Variants in KCNK13 observed in about 807,000 individuals in gnomAD.
KCNK13 encodes potassium channel subfamily K member 13.
KCNK13 carries 12 observed loss-of-function variants against 23.4 expected under a neutral mutation model. The observed-to-expected ratio is 0.51, with a 90% CI of 0.33 to 0.83. The LOEUF (loss-of-function observed/expected upper bound fraction) is 0.83, where lower values mean the gene tolerates loss of function less well. Ranked by LOEUF, KCNK13 falls within the 40% of genes least tolerant of loss-of-function variation. The pLI is 0.02. For missense variants in KCNK13, 463 were observed against 556.3 expected, an observed-to-expected ratio of 0.83 and a Z score of 1.69; for synonymous variants, 231 against 229.5, an observed-to-expected ratio of 1.01 and a Z score of -0.06.
At chr14:90,114,849 T>C (rs1276325737) in intron 1 of KCNK13, among the ~76,000 whole-genome samples, 1 of 152,184 alleles carries the variant, frequency 6.6e-6, no homozygotes, top group Non-Finnish European at 1.5e-5. Flanking sequence ...TAGTTGAGCA[T>C]TGCCAGTGCT....
chr14:90,181,490 G>C (rs559869133), intron 1 of KCNK13, among the ~76,000 whole-genome samples: 1 of 152,082 alleles, frequency 6.6e-6, no homozygotes, highest in Non-Finnish European at 1.5e-5. Flanking sequence ...CTCACCTCTC[G>C]CAAAGACACC....
chr14:90,073,832 A>C (rs373709858), intron 1 of KCNK13, among the ~76,000 whole-genome samples: 43 of 151,776 alleles, frequency 2.8e-4, no homozygotes, highest in Non-Finnish European at 4.9e-4. Context: ...CACCACGCCC[A>C]GCTAATTTTT....
At chr14:90,178,028 C>T (rs1295699042) in intron 1 of KCNK13, among the ~76,000 whole-genome samples, 1 of 152,120 alleles carries the variant, frequency 6.6e-6, no homozygotes, top group African/African-American at 2.4e-5. Flanking sequence ...CAAAGTTGCT[C>T]TGCTTTTTTC....
intron 1 of KCNK13, among the ~76,000 whole-genome samples, chr14:90,104,727 G>T (rs528117301): frequency 6.7e-6 from 1 of 148,776 alleles, no homozygotes; most frequent in African/African-American, 2.5e-5. Flanking sequence ...AGAGTCTCGG[G>T]GGTCCCTTTC....
At chr14:90,149,967 G>A (rs928216786) in intron 1 of KCNK13, among the ~76,000 whole-genome samples, 1 of 151,988 alleles carries the variant, frequency 6.6e-6, no homozygotes, top group Non-Finnish European at 1.5e-5. Context: ...CAACTGTTTA[G>A]CATCTAGTAG....
At chr14:90,074,968 A>G (rs535986445) in intron 1 of KCNK13, among the ~76,000 whole-genome samples, 4 of 152,206 alleles carry the variant, frequency 2.6e-5, no homozygotes, top group African/African-American at 9.6e-5. Flanking sequence ...TGACTTTTAG[A>G]CCATCTCTTT....
chr14:90,075,847 T>C (rs1889128765), intron 1 of KCNK13, among the ~76,000 whole-genome samples: 1 of 152,208 alleles, frequency 6.6e-6, no homozygotes, highest in African/African-American at 2.4e-5. Context: ...CTCTGGACCC[T>C]TAGGCTTTGG....
At chr14:90,181,326 T>C (rs1418960402) in intron 1 of KCNK13, among the ~76,000 whole-genome samples, 2 of 152,204 alleles carry the variant, frequency 1.3e-5, no homozygotes, top group East Asian at 3.8e-4. Flanking sequence ...TTCTGGAGAC[T>C]GGGAAGTCCA....
chr14:90,147,465 T>C (rs944765009), intron 1 of KCNK13, among the ~76,000 whole-genome samples: 2 of 152,040 alleles, frequency 1.3e-5, no homozygotes, highest in Non-Finnish European at 2.9e-5. Context: ...GTTTGTGATG[T>C]TTTTATCAGT....
intron 1 of KCNK13, among the ~76,000 whole-genome samples, chr14:90,160,811 C>A (rs1424133080): frequency 6.7e-6 from 1 of 149,354 alleles, no homozygotes; most frequent in Non-Finnish European, 1.5e-5. Context: ...CCATTGGACA[C>A]CAGCCTGGGT....
chr14:90,111,595 A>G (rs1889615915), intron 1 of KCNK13, among the ~76,000 whole-genome samples: 1 of 152,122 alleles, frequency 6.6e-6, no homozygotes, highest in African/African-American at 2.4e-5. Flanking sequence ...CCTGAGACCA[A>G]GCAGAAAGAT....
chr14:90,166,685 G>A (rs1362033579), intron 1 of KCNK13, among the ~76,000 whole-genome samples: 3 of 148,332 alleles, frequency 2.0e-5, no homozygotes, highest in South Asian at 4.3e-4. Flanking sequence ...TAGTCTGGGC[G>A]ACAGAGCAAG....
intron 1 of KCNK13, among the ~76,000 whole-genome samples, chr14:90,114,479 G>GGCA (rs1247647170): frequency 6.6e-6 from 1 of 152,118 alleles, no homozygotes; most frequent in African/African-American, 2.4e-5. Context: ...GATTCTAAGG[G>GGCA]GCAGCCAAGT....
intron 1 of KCNK13, among the ~76,000 whole-genome samples, chr14:90,096,945 GC>G (rs1229893856): frequency 2.0e-5 from 3 of 152,124 alleles, no homozygotes; most frequent in African/African-American, 7.2e-5. Context: ...AATCTGATTG[GC>G]CAAATATGGG....
Position 90,185,068 on chromosome 14 carries a change from G to A in KCNK13, c.*65G>A, listed in dbSNP as rs1337531280. 8 of 1,391,494 alleles carry A rather than the reference G, an allele frequency of 5.7e-6. No homozygotes were observed. Among genetic ancestry groups the A allele is most frequent in the South Asian group, 4.3e-5 (3 of 69,390 alleles). 86.2% of individuals were successfully genotyped at this position (1,391,494 alleles called of 1,614,324 possible). On this transcript the variant is annotated 3_prime_UTR_variant, in exon 2 of 2. Coordinates refer to ENST00000282146, the MANE Select transcript of KCNK13 (RefSeq NM_022054.4). ...GGAGGATGATTGCCGCCCAGGGGACGAGCTCAGCCCTGCGCCTTGGCTCTG... is the reference window on the plus strand; with the variant it reads ...GGAGGATGATTGCCGCCCAGGGGACAAGCTCAGCCCTGCGCCTTGGCTCTG...
chr14:90,124,586 A>G, intron 1 of KCNK13, among the ~76,000 whole-genome samples: 1 of 152,240 alleles, frequency 6.6e-6, no homozygotes, highest in South Asian at 2.1e-4. Flanking sequence ...GATAGCCCAC[A>G]AGGAAACGGG....
intron 1 of KCNK13, among the ~76,000 whole-genome samples, chr14:90,081,261 A>G (rs1357866996): frequency 6.6e-6 from 1 of 152,236 alleles, no homozygotes; most frequent in Non-Finnish European, 1.5e-5. Flanking sequence ...TATTAACTGC[A>G]AGGTGGGTTT....
chr14:90,112,921 T>TC (rs1889632567), intron 1 of KCNK13, among the ~76,000 whole-genome samples: 1 of 151,916 alleles, frequency 6.6e-6, no homozygotes, highest in East Asian at 1.9e-4. Context: ...AGATTTTTTT[T>TC]TTTTTTTTTT....
chr14:90,073,016 C>T (rs371228151), intron 1 of KCNK13, among the ~76,000 whole-genome samples: 40 of 152,162 alleles, frequency 2.6e-4, no homozygotes, highest in African/African-American at 9.2e-4. Flanking sequence ...CCAAGAGCTT[C>T]TGTGCTCCGT....
Sources: gnomAD v4.1 joint callset for allele counts (sites outside exome capture counted in the v4.1 genomes callset) on GRCh38, gnomAD v4.1.1 for gene constraint, MANE v1.5 for transcripts, NCBI Gene and HGNC (gene_info 2026-07-23, HGNC 2026-07-21) for gene names.